ATAD2B: variants seen among roughly 807,000 people sequenced by gnomAD.
The protein encoded by ATAD2B is ATPase family AAA domain containing 2B, also known as ATPase family AAA domain-containing protein 2B.
ATAD2B carries 40 observed loss-of-function variants against 167.6 expected under a neutral mutation model. That is an observed-to-expected ratio of 0.24 (90% CI 0.19 to 0.31). ATAD2B has a LOEUF of 0.31. Ranked by LOEUF, ATAD2B falls within the 10% of genes least tolerant of loss-of-function variation. The pLI is 1.00. For missense variants in ATAD2B, 1,242 were observed against 1,757.2 expected, an observed-to-expected ratio of 0.71 and a Z score of 5.24; for synonymous variants, 579 against 596.5, an observed-to-expected ratio of 0.97 and a Z score of 0.43.
chr2:23,876,053 G>C (rs1015164349), intron 7 of ATAD2B, 149 bp from the exon 8 acceptor site: 12 of 609,848 alleles, frequency 2.0e-5, no homozygotes, highest in Non-Finnish European at 3.1e-5. Context: ...GAATGCAGTG[G>C]CGCGATCTCG....
chr2:23,693,188 G>C, the ATAD2B span: 1 of 1,466,950 alleles, frequency 6.8e-7, no homozygotes, highest in Non-Finnish European at 9.1e-7. Context: ...TTCAGAGAAG[G>C]ATCTAGGGTG....
intron 17 of ATAD2B, 89 bp downstream of exon 17, chr2:23,819,658 A>T: frequency 9.3e-7 from 1 of 1,075,852 alleles, no homozygotes; most frequent in Non-Finnish European, 1.3e-6. Context: ...CCTCACAGTT[A>T]TAACCATAAG....
At chr2:23,748,539 A>G (rs943772232), downstream of ATAD2B, 3 of 152,176 alleles carry the variant, frequency 2.0e-5, no homozygotes, top group Admixed American at 6.5e-5. Flanking sequence ...AAAGGAACAT[A>G]TAACACGACT....
At chr2:23,873,287 T>C (rs1452809829) in intron 8 of ATAD2B, among the ~76,000 whole-genome samples, 1 of 152,048 alleles carries the variant, frequency 6.6e-6, no homozygotes, top group African/African-American at 2.4e-5. Context: ...GTAAACTGAA[T>C]GCATAAAAAA....
chr2:23,915,281 A>G (rs1702873620), intron 1 of ATAD2B, among the ~76,000 whole-genome samples: 2 of 152,124 alleles, frequency 1.3e-5, no homozygotes, highest in Non-Finnish European at 2.9e-5. Context: ...TATCATCTAA[A>G]CATGTTAAAT....
chr2:23,830,815 G>A (rs1161219341), intron 14 of ATAD2B, among the ~76,000 whole-genome samples: 1 of 151,914 alleles, frequency 6.6e-6, no homozygotes, highest in Non-Finnish European at 1.5e-5. Context: ...CAGGCAGTGT[G>A]CTGCTAAGGG....
At chr2:23,860,839 C>T (rs1573090438) in intron 12 of ATAD2B, among the ~76,000 whole-genome samples, 1 of 152,232 alleles carries the variant, frequency 6.6e-6, no homozygotes, top group African/African-American at 2.4e-5. Context: ...GACATGGTGG[C>T]AGGTGCCCAT....
At chr2:23,742,651 A>C in the ATAD2B span, among the ~76,000 whole-genome samples, 1 of 152,024 alleles carries the variant, frequency 6.6e-6, no homozygotes, top group Non-Finnish European at 1.5e-5. Context: ...ACATGTATAC[A>C]TATGTAAGAA....
At chr2:23,829,568 T>C (rs943391978) in intron 14 of ATAD2B, among the ~76,000 whole-genome samples, 10 of 152,114 alleles carry the variant, frequency 6.6e-5, no homozygotes, top group Admixed American at 1.3e-4. Flanking sequence ...CTGGACAACA[T>C]AGTGACACCC....
chr2:23,741,056 T>C, the ATAD2B span, among the ~76,000 whole-genome samples: 2 of 151,980 alleles, frequency 1.3e-5, no homozygotes, highest in African/African-American at 2.4e-5. Context: ...TAAAAGAGGA[T>C]ACAAACAAGT....
chr2:23,876,660 A>G (rs1696890923), intron 7 of ATAD2B, among the ~76,000 whole-genome samples: 2 of 152,208 alleles, frequency 1.3e-5, no homozygotes, highest in South Asian at 4.1e-4. Flanking sequence ...GCTGTCTAGA[A>G]GCAAAATGAA....
intron 18 of ATAD2B, chr2:23,809,109 T>TCATTTG (rs1330180918): frequency 6.6e-6 from 1 of 152,184 alleles, no homozygotes; most frequent in Non-Finnish European, 1.5e-5. Context: ...TTCTACTAAA[T>TCATTTG]CATTTGTATT....
chr2:23,760,719 CACACACACACATAT>C (rs1676595012), intron 24 of ATAD2B, among the ~76,000 whole-genome samples: 15 of 142,752 alleles, frequency 1.1e-4, no homozygotes, highest in East Asian at 4.1e-4. Flanking sequence ...CACACACACA[CACACACACACATAT>C]ACACACACAC....
chr2:23,720,100 T>C, the ATAD2B span, among the ~76,000 whole-genome samples: 16 of 152,258 alleles, frequency 1.1e-4, no homozygotes, highest in Middle Eastern at 3.4e-3. Context: ...GGCAGTGACC[T>C]AGCAGCAAAA....
chr2:23,779,618 T>G (rs1195491634), intron 22 of ATAD2B, among the ~76,000 whole-genome samples: 1 of 152,074 alleles, frequency 6.6e-6, no homozygotes, highest in Non-Finnish European at 1.5e-5. Context: ...AACATAAAAT[T>G]TGCATTACAA....
chr2:23,833,369 A>G (rs145496418), intron 14 of ATAD2B, among the ~76,000 whole-genome samples: 1 of 101,120 alleles, frequency 9.9e-6, no homozygotes, highest in African/African-American at 3.9e-5. Context: ...GAATAATATT[A>G]AAAGTTTGAA....
At chr2:23,778,304 C>A (rs1285552242) in intron 22 of ATAD2B, among the ~76,000 whole-genome samples, 1 of 152,160 alleles carries the variant, frequency 6.6e-6, no homozygotes, top group Non-Finnish European at 1.5e-5. Flanking sequence ...GAAACCATTA[C>A]TTCTTCCTTA....
the ATAD2B span, chr2:23,706,886 G>A: frequency 1.1e-5 from 5 of 466,952 alleles, no homozygotes; most frequent in South Asian, 3.9e-5. Flanking sequence ...CCACGATCCC[G>A]CCATGGGGCT....
the ATAD2B span, chr2:23,688,669 T>G: frequency 6.6e-6 from 1 of 151,806 alleles, no homozygotes; most frequent in South Asian, 2.1e-4. Flanking sequence ...CCTGTGTGGC[T>G]GGGGAGCACC....
Sources: allele counts gnomAD v4.1 joint callset (sites outside exome capture counted in the v4.1 genomes callset), GRCh38; gene constraint gnomAD v4.1.1; transcripts MANE v1.5; gene names NCBI Gene and HGNC (gene_info 2026-07-23, HGNC 2026-07-21).